Variants in SAMD3 observed in about 807,000 individuals in gnomAD.
SAMD3 encodes the protein sterile alpha motif domain containing 3.
In SAMD3, 63 loss-of-function variants were observed where a neutral mutation model predicts 58.5. The ratio of observed to expected loss-of-function variants is 1.08; its 90% confidence interval spans 0.88 to 1.33. The LOEUF is 1.33. Among genes scored for constraint, SAMD3 ranks in the 40% most tolerant of loss-of-function variants. The pLI is 0.00. For synonymous variants in SAMD3, 220 were observed against 210.3 expected, an observed-to-expected ratio of 1.05 and a Z score of -0.40; for missense variants, 604 against 608.4, an observed-to-expected ratio of 0.99 and a Z score of 0.08.
chr6:130,195,480 G>A (rs574553753), intron 5 of SAMD3, among the ~76,000 whole-genome samples: 16 of 152,086 alleles, frequency 1.1e-4, no homozygotes, highest in African/African-American at 2.7e-4. Context: ...CAGGATCTGC[G>A]CCTTATCAAC....
At chr6:130,207,168 A>AAAAAAAG (rs1401085331) in intron 5 of SAMD3, among the ~76,000 whole-genome samples, 1 of 147,028 alleles carries the variant, frequency 6.8e-6, no homozygotes. Flanking sequence ...TCAAAAAAAA[A>AAAAAAAG]AAAAGAAAAA....
intron 1 of SAMD3, among the ~76,000 whole-genome samples, chr6:130,315,806 G>T (rs192016432): frequency 2.0e-5 from 3 of 151,898 alleles, no homozygotes; most frequent in African/African-American, 7.3e-5. Flanking sequence ...TCACGTGAAT[G>T]GTATTTTTCT....
intron 2 of SAMD3, among the ~76,000 whole-genome samples, chr6:130,230,020 T>A (rs73614572): frequency 0.019 from 2,854 of 152,260 alleles, 78 homozygotes; most frequent in African/African-American, 0.064. Flanking sequence ...CTATAAAATG[T>A]TTTACAGCAA....
rs139005068 is a variant in SAMD3, at chr6:130,183,403, A to G, written c.654+700T>C. The G allele has an allele frequency of 2.5e-3, 1,134 of 454,174 alleles. 12 individuals carry two copies. The highest frequency in any genetic ancestry group is 0.02 in the African/African-American group (1,016 of 49,742). The allele number at this position is 454,174 out of a possible 1,614,324, so 28.1% of individuals were successfully genotyped here. A position where few individuals can be genotyped will look rare whatever the true frequency, so the allele number is the denominator to read the frequency against. The stretch of plus-strand genomic sequence containing the variant: ...CAGAGCATCCTGAGGGTCTGTTTTT[A>G]TCAGGACAGAAAGCAGAGATCTGAC... On this transcript the variant is annotated intron_variant, in intron 7 of 11. Transcript: ENST00000439090.
At chr6:130,212,560 G>A (rs1795665035) in intron 4 of SAMD3, among the ~76,000 whole-genome samples, 1 of 152,232 alleles carries the variant, frequency 6.6e-6, no homozygotes. Flanking sequence ...GAATTAAAGA[G>A]GAGGTAAGTA....
upstream of SAMD3, among the ~76,000 whole-genome samples, chr6:130,224,390 C>T (rs1373137395): frequency 4.6e-5 from 7 of 151,796 alleles, no homozygotes. Context: ...TAGCCAGGGA[C>T]CCCATTCTTC....
chr6:130,340,630 T>C (rs1311035451), intron 1 of SAMD3, among the ~76,000 whole-genome samples: 1 of 152,182 alleles, frequency 6.6e-6, no homozygotes, highest in Non-Finnish European at 1.5e-5. Context: ...TAAGTAAAAA[T>C]TAGAAGGGTT....
At chr6:130,220,819 A>G (rs1330591615) in intron 1 of SAMD3, among the ~76,000 whole-genome samples, 6 of 152,186 alleles carry the variant, frequency 3.9e-5, no homozygotes, top group African/African-American at 1.4e-4. Context: ...AACAGAATAG[A>G]AACTTAGAAA....
chr6:130,341,870 C>T (rs1394367927), intron 1 of SAMD3, among the ~76,000 whole-genome samples: 1 of 152,174 alleles, frequency 6.6e-6, no homozygotes, highest in Non-Finnish European at 1.5e-5. Flanking sequence ...CCTCTAAACA[C>T]CTTTGTAAAT....
chr6:130,179,030 C>A (rs890799597), intron 7 of SAMD3, among the ~76,000 whole-genome samples: 4 of 149,294 alleles, frequency 2.7e-5, no homozygotes, highest in South Asian at 2.1e-4. Flanking sequence ...AAGTATAGTA[C>A]ATTTTTTTTC....
chr6:130,198,236 G>C (rs970873518), intron 5 of SAMD3, among the ~76,000 whole-genome samples: 2 of 152,092 alleles, frequency 1.3e-5, no homozygotes, highest in African/African-American at 4.8e-5. Context: ...CAGGGTCTCT[G>C]TCTGTTATCC....
At chr6:130,202,690 CCTACATTA>C (rs778742991) in intron 5 of SAMD3, among the ~76,000 whole-genome samples, 7 of 152,172 alleles carry the variant, frequency 4.6e-5, no homozygotes, top group Non-Finnish European at 1.0e-4. Context: ...CTCCTCAAAG[CCTACATTA>C]CTACATTACT....
chr6:130,321,594 C>A (rs1055967158), intron 1 of SAMD3, among the ~76,000 whole-genome samples: 4 of 152,158 alleles, frequency 2.6e-5, no homozygotes, highest in Non-Finnish European at 4.4e-5. Flanking sequence ...ATACAATTCC[C>A]AGTACTCATT....
At chr6:130,219,365 G>A (rs1443508103) in intron 1 of SAMD3, among the ~76,000 whole-genome samples, 1 of 152,014 alleles carries the variant, frequency 6.6e-6, no homozygotes, top group Non-Finnish European at 1.5e-5. Flanking sequence ...GGTTATTGGG[G>A]AACAAGTGGT....
intron 2 of SAMD3, among the ~76,000 whole-genome samples, chr6:130,240,930 C>T (rs1773333506): frequency 6.6e-6 from 1 of 152,218 alleles, no homozygotes; most frequent in Admixed American, 6.5e-5. Flanking sequence ...AGACAGTGAA[C>T]ACCTGTCTTT....
In SAMD3 at chr6:130,144,364, T is replaced by C; in HGVS notation, c.*156A>G. The stretch of plus-strand genomic sequence containing the variant: ...AGAATTTCACAAAGAACTTAATATC[T>C]AAGTGTAAAGATAGAAAGCATTGAA... On this transcript the variant is annotated 3_prime_UTR_variant, in exon 12 of 12. Coordinates refer to ENST00000439090, the MANE Select transcript of SAMD3 (RefSeq NM_001017373.4). The C allele has an allele frequency of 1.6e-6, 1 of 620,978 alleles. No individual in the cohort carries two copies. The highest frequency in any genetic ancestry group is 2.9e-5 in the East Asian group (1 of 34,474). The allele number at this position is 620,978 out of a possible 1,614,324, so 38.5% of individuals were successfully genotyped here.
chr6:130,354,485 A>G (rs998712369), intron 1 of SAMD3, among the ~76,000 whole-genome samples: 2 of 152,246 alleles, frequency 1.3e-5, no homozygotes, highest in African/African-American at 4.8e-5. Flanking sequence ...ATGGAATACT[A>G]TGCAGCCATA....
chr6:130,292,090 C>T (rs1055882999), intron 2 of SAMD3, among the ~76,000 whole-genome samples: 1 of 152,020 alleles, frequency 6.6e-6, no homozygotes, highest in African/African-American at 2.4e-5. Context: ...TTTTGCTGCA[C>T]TTACAGAGAT....
At chr6:130,308,403 C>CTATTCTATTCTATTCTATTCTATT (rs1776011811) in intron 2 of SAMD3, among the ~76,000 whole-genome samples, 1 of 145,890 alleles carries the variant, frequency 6.9e-6, no homozygotes. Context: ...CTATTCTATT[C>CTATTCTATTCTATTCTATTCTATT]TATTCTATTC....
Sources: allele counts gnomAD v4.1 joint callset (sites outside exome capture counted in the v4.1 genomes callset), GRCh38; gene constraint gnomAD v4.1.1; transcripts MANE v1.5; gene names NCBI Gene and HGNC (gene_info 2026-07-23, HGNC 2026-07-21).